The following CDH4 variants were observed in gnomAD, a reference collection of about 807,000 sequenced individuals.
The protein encoded by CDH4 is cadherin 4.
A neutral mutation model predicts 86.0 loss-of-function variants in CDH4; 33 were observed. That is an observed-to-expected ratio of 0.38 (90% CI 0.29 to 0.51). CDH4 has a LOEUF of 0.51. Among genes scored for constraint, CDH4 ranks in the 20% least tolerant of loss-of-function variants. The pLI, the probability that CDH4 is intolerant of heterozygous loss-of-function variation, is 0.86. For synonymous variants in CDH4, 555 were observed against 549.4 expected, an observed-to-expected ratio of 1.01 and a Z score of -0.14; for missense variants, 1,114 against 1,307.4, an observed-to-expected ratio of 0.85 and a Z score of 2.28.
intron 2 of CDH4, among the ~76,000 whole-genome samples, chr20:61,372,560 C>T (rs892712677): frequency 1.3e-5 from 2 of 152,228 alleles, no homozygotes. Context: ...GGAGCCCTGC[C>T]GGACCTCTGG....
intron 2 of CDH4, among the ~76,000 whole-genome samples, chr20:61,339,692 G>A (rs147669060): frequency 1.8e-4 from 28 of 152,262 alleles, no homozygotes; most frequent in Non-Finnish European, 2.6e-4. Flanking sequence ...AAATTGTGAC[G>A]TGGGCTTCCT....
chr20:61,272,314 A>C (rs2084187663), intron 2 of CDH4, among the ~76,000 whole-genome samples: 1 of 152,190 alleles, frequency 6.6e-6, no homozygotes, highest in African/African-American at 2.4e-5. Flanking sequence ...CTCCAGCCCC[A>C]GTGGAATGGA....
At chr20:61,398,784 A>G (rs930366664) in intron 2 of CDH4, among the ~76,000 whole-genome samples, 1 of 152,324 alleles carries the variant, frequency 6.6e-6, no homozygotes, top group African/African-American at 2.4e-5. Flanking sequence ...CACATACACA[A>G]TTATGTCTTG....
chr20:61,933,085 C>A lies in CDH4; in HGVS notation c.2340C>A (p.Ile780=). ...CCGAGGACGACGTCCGCGACAACAT[C>A]CTCAAGTATGACGAGGAAGGCGGTG... The part of the protein sequence containing the change: ...IDPEDDVRDN[I]LKYDEEGGGE... The change falls in exon 14 of 16, where the codon ATC becomes ATA. Residue 780 remains isoleucine, a synonymous_variant. Coordinates refer to ENST00000614565, the MANE Select transcript of CDH4 (RefSeq NM_001794.5). 6.2e-7 allele frequency: 1 copy of A among 1,613,254 alleles called. No individual in the cohort carries two copies. Among genetic ancestry groups the A allele is most frequent in the South Asian group, 1.1e-5 (1 of 91,086 alleles).
At position 61,582,005 on chromosome 20, in the gene CDH4, A is replaced by G. The variant is rs8113951; in HGVS notation, c.170-161558A>G. ...TGAGCTTTGCCCTCAAGTCTCAGCC[A>G]TCATGTGGGCGCCTCCTCAGGGCAG... On this transcript the variant is annotated intron_variant, in intron 2 of 15. Coordinates refer to ENST00000614565, the MANE Select transcript of CDH4 (RefSeq NM_001794.5). This position sits in a 1 kb window ranked among gnomAD's most constrained non-coding sequence, Gnocchi z 4.2. Among the ~76,000 whole-genome samples, 3,607 of 152,254 alleles carry G rather than the reference A, an allele frequency of 0.024. 81 individuals are homozygous for G. Among genetic ancestry groups the G allele is most frequent in the African/African-American group, 0.057 (2,386 of 41,546 alleles).
Position 61,366,006 on chromosome 20 carries a change from A to G in CDH4, c.169+111069A>G, listed in dbSNP as rs540937457. 2.0e-5 allele frequency among the ~76,000 whole-genome samples: 3 copies of G among 152,336 alleles called. No homozygotes were observed. The East Asian group carries it at 5.8e-4, about 29-fold the overall frequency. ...TACCCAAATGCGGAATTAGACAGGCATGCAGCACCAGAGCCCAAGTTTTGG... is the reference window on the plus strand; with the variant it reads ...TACCCAAATGCGGAATTAGACAGGCGTGCAGCACCAGAGCCCAAGTTTTGG... On this transcript the variant is annotated intron_variant, in intron 2 of 15. Coordinates refer to ENST00000614565, the MANE Select transcript of CDH4 (RefSeq NM_001794.5).
intron 2 of CDH4, among the ~76,000 whole-genome samples, chr20:61,418,656 G>T (rs930155683): frequency 4.6e-5 from 7 of 152,168 alleles, no homozygotes; most frequent in African/African-American, 1.7e-4. Flanking sequence ...CCTGGAGGGT[G>T]CTGTTACAAA....
intron 3 of CDH4, among the ~76,000 whole-genome samples, chr20:61,751,421 G>A (rs1009905959): frequency 6.6e-6 from 1 of 152,138 alleles, no homozygotes; most frequent in East Asian, 1.9e-4. Flanking sequence ...TAGACACTTG[G>A]AACAAAAATA....
At chr20:61,430,384 G>A (rs751445321) in intron 2 of CDH4, among the ~76,000 whole-genome samples, 61 of 152,256 alleles carry the variant, frequency 4.0e-4, no homozygotes, top group South Asian at 4.1e-4. Flanking sequence ...TGTGCCAGGC[G>A]GCCTTCTGCC....
chr20:61,665,290 C>T (rs1375514444), intron 2 of CDH4, among the ~76,000 whole-genome samples: 1 of 152,238 alleles, frequency 6.6e-6, no homozygotes, highest in African/African-American at 2.4e-5. Context: ...TCCCGCCCTT[C>T]AATTCGGCAG....
intron 2 of CDH4, among the ~76,000 whole-genome samples, chr20:61,400,148 G>A (rs921478262): frequency 2.0e-5 from 3 of 152,292 alleles, no homozygotes; most frequent in South Asian, 2.1e-4. Context: ...CAGCTCTGAT[G>A]GCAACACAGA....
At chr20:61,660,501 G>A (rs1461871595) in intron 2 of CDH4, among the ~76,000 whole-genome samples, 1 of 152,326 alleles carries the variant, frequency 6.6e-6, no homozygotes, top group South Asian at 2.1e-4. Flanking sequence ...AGTCCTGCGT[G>A]TATCCATTTT....
At chr20:61,667,305 C>T (rs1223333207) in intron 2 of CDH4, among the ~76,000 whole-genome samples, 1 of 152,220 alleles carries the variant, frequency 6.6e-6, no homozygotes, top group African/African-American at 2.4e-5. Flanking sequence ...CACATCCCGC[C>T]CACCCTGGGG....
At chr20:61,341,135 A>G (rs941524923) in intron 2 of CDH4, among the ~76,000 whole-genome samples, 4 of 152,212 alleles carry the variant, frequency 2.6e-5, no homozygotes, top group African/African-American at 9.7e-5. Context: ...AGTGAGATAA[A>G]GTGCAAGCAT....
chr20:61,279,506 C>G (rs1312716870), intron 2 of CDH4, among the ~76,000 whole-genome samples: 1 of 151,980 alleles, frequency 6.6e-6, no homozygotes, highest in Non-Finnish European at 1.5e-5. Flanking sequence ...GGGGCGGGGC[C>G]TTCCATTTCC....
At chr20:61,814,110 G>A (rs1192420790) in intron 4 of CDH4, among the ~76,000 whole-genome samples, 1 of 152,214 alleles carries the variant, frequency 6.6e-6, no homozygotes, top group Non-Finnish European at 1.5e-5. Flanking sequence ...CTCAGTACGG[G>A]GAGCAGGTCC....
intron 3 of CDH4, among the ~76,000 whole-genome samples, chr20:61,747,188 TC>T (rs1321283795): frequency 6.6e-6 from 1 of 152,072 alleles, no homozygotes; most frequent in Non-Finnish European, 1.5e-5. Flanking sequence ...ACGCCTGTAA[TC>T]TGAGCATTTT....
intron 2 of CDH4, among the ~76,000 whole-genome samples, chr20:61,369,707 C>A (rs1434237120): frequency 1.3e-5 from 2 of 150,184 alleles, no homozygotes; most frequent in South Asian, 2.1e-4. Context: ...ATCTAAAATT[C>A]TATTAAAATA....
chr20:61,721,812 C>A (rs569936093), intron 2 of CDH4, among the ~76,000 whole-genome samples: 29 of 152,156 alleles, frequency 1.9e-4, no homozygotes, highest in Non-Finnish European at 3.4e-4. Context: ...CAAATTAAAT[C>A]ATCAGAGTGG....
Sources: allele counts gnomAD v4.1 joint callset (sites outside exome capture counted in the v4.1 genomes callset), GRCh38; gene constraint gnomAD v4.1.1; non-coding constraint Gnocchi (gnomAD v3.1); transcripts MANE v1.5; gene names NCBI Gene and HGNC (gene_info 2026-07-23, HGNC 2026-07-21).